Variants in PARD3 observed in about 807,000 individuals in gnomAD.
The protein encoded by PARD3 is partitioning defective 3 homolog.
PARD3 carries 75 observed loss-of-function variants against 155.4 expected under a neutral mutation model. The ratio of observed to expected loss-of-function variants is 0.48; its 90% CI spans 0.40 to 0.58. The LOEUF (loss-of-function observed/expected upper bound fraction) is 0.58. Among genes scored for constraint, PARD3 ranks in the 20% least tolerant of loss-of-function variants. The pLI, the probability that PARD3 is intolerant of heterozygous loss-of-function variation, is 0.00. For missense variants in PARD3, 1,642 were observed against 1,721.7 expected (o/e 0.95, Z 0.82); for synonymous variants, 576 against 610.5 (o/e 0.94, Z 0.83).
chr10:34,756,620 G>GT (rs1366110178), intron 1 of PARD3, among the ~76,000 whole-genome samples: 2 of 151,446 alleles, frequency 1.3e-5, no homozygotes, highest in South Asian at 2.1e-4. Context: ...CACTTGACTA[G>GT]TTTTTTTACT....
intron 2 of PARD3, among the ~76,000 whole-genome samples, chr10:34,687,219 T>C (rs1162131079): frequency 6.6e-6 from 1 of 152,068 alleles, no homozygotes. Context: ...GGGCAGTAAT[T>C]TTATTACCAT....
intron 2 of PARD3, among the ~76,000 whole-genome samples, chr10:34,519,532 G>A (rs763528585): frequency 1.2e-4 from 19 of 152,214 alleles, no homozygotes; most frequent in Middle Eastern, 6.8e-3. Flanking sequence ...CCAAAGCGTA[G>A]GCCAGGCGCG....
intron 2 of PARD3, among the ~76,000 whole-genome samples, chr10:34,572,465 C>A (rs549052817): frequency 2.0e-5 from 3 of 152,108 alleles, no homozygotes; most frequent in South Asian, 4.2e-4. Flanking sequence ...CATGGTAAAA[C>A]CCTGTCTCTA....
chr10:34,277,109 C>G (rs1955922843), intron 21 of PARD3, among the ~76,000 whole-genome samples: 1 of 152,122 alleles, frequency 6.6e-6, no homozygotes, highest in Non-Finnish European at 1.5e-5. Flanking sequence ...CTGGGAACAA[C>G]AGTTCGTGGA....
chr10:34,642,688 GC>G (rs1176006804), intron 2 of PARD3, among the ~76,000 whole-genome samples: 2 of 151,842 alleles, frequency 1.3e-5, no homozygotes, highest in Non-Finnish European at 2.9e-5. Flanking sequence ...TACCTAGACG[GC>G]CCCCTCCCCA....
intron 2 of PARD3, among the ~76,000 whole-genome samples, chr10:34,628,522 A>G (rs1164083964): frequency 6.6e-6 from 1 of 152,240 alleles, no homozygotes; most frequent in Non-Finnish European, 1.5e-5. Flanking sequence ...CCCAGTGAGA[A>G]GCAGCTGCAG....
chr10:34,708,997 C>T (rs1353046052), intron 1 of PARD3, among the ~76,000 whole-genome samples: 1 of 151,956 alleles, frequency 6.6e-6, no homozygotes, highest in Non-Finnish European at 1.5e-5. Context: ...GCAAATAGTG[C>T]AAAAAAATAC....
At position 34,382,556 on chromosome 10, in the gene PARD3, A is replaced by G. The variant is rs1348423883; in HGVS notation, c.1383T>C (p.Asn461=). The G allele has an allele frequency of 6.2e-7, 1 of 1,613,000 alleles. No homozygotes were observed. Residue 461 remains asparagine (N), a synonymous_variant, in exon 9 of 25, where the codon AAT becomes AAC. Transcript: ENST00000374788. ...AGGTCGTACCTTTCTTAAGCTGGAT[A>G]TTAAGCCTCTTGCCTATTTTTTTGG... ...YNTKKIGKRL[N]IQLKKGTEGL...
intron 20 of PARD3, among the ~76,000 whole-genome samples, chr10:34,308,747 T>A (rs1228137460): frequency 6.6e-6 from 1 of 152,202 alleles, no homozygotes; most frequent in African/African-American, 2.4e-5. Flanking sequence ...GAGAGTCATC[T>A]GCCTATAGGC....
chr10:34,814,887 C>T lies in PARD3; in HGVS notation c.109G>A (p.Ala37Thr). 6.7e-7 allele frequency: 1 copy of T among 1,499,436 alleles called. No individual in the cohort carries two copies. The highest frequency in any genetic ancestry group is 2.9e-5 in the East Asian group (1 of 34,748). The allele number at this position is 1,499,436 out of a possible 1,614,324, so 92.9% of individuals were successfully genotyped here. ...CCCCGGCCCCTCACCTTGGCGATGG[C>T]CTTCCGGTAGCGGGTCACCGCCTGC... ...IQQAVTRYRK[A>T]IAKDPNYWIQ... Residue 37 changes from alanine to threonine, a missense_variant, in exon 1 of 25, where the codon GCC (alanine) becomes ACC (threonine). Ala to Thr is a moderately conservative substitution (Grantham distance 58). Transcript: ENST00000374788.
intron 17 of PARD3, among the ~76,000 whole-genome samples, chr10:34,336,632 ATTAT>A (rs1240840363): frequency 1.3e-5 from 2 of 152,124 alleles, no homozygotes; most frequent in African/African-American, 4.8e-5. Flanking sequence ...AATATAATTA[ATTAT>A]TTTACTTTTT....
chr10:34,505,461 C>G (rs1376935472), intron 3 of PARD3, among the ~76,000 whole-genome samples: 1 of 152,154 alleles, frequency 6.6e-6, no homozygotes, highest in Non-Finnish European at 1.5e-5. Context: ...TTGAATGATA[C>G]AGAGAGCTTT....
At chr10:34,647,972 A>C (rs1424063195) in intron 2 of PARD3, among the ~76,000 whole-genome samples, 6 of 152,294 alleles carry the variant, frequency 3.9e-5, no homozygotes, top group African/African-American at 1.4e-4. Context: ...ACATTTCATT[A>C]TTCTTCTCTG....
At chr10:34,634,561 CTG>C (rs1332467038) in intron 2 of PARD3, among the ~76,000 whole-genome samples, 1 of 152,064 alleles carries the variant, frequency 6.6e-6, no homozygotes, top group Non-Finnish European at 1.5e-5. Flanking sequence ...ACAGAAGAAA[CTG>C]AAAGCAGGAT....
intron 3 of PARD3, among the ~76,000 whole-genome samples, chr10:34,479,070 A>G (rs2078894887): frequency 6.6e-6 from 1 of 152,166 alleles, no homozygotes; most frequent in African/African-American, 2.4e-5. Flanking sequence ...GTGACAGAAC[A>G]GGAACTTTTC....
chr10:34,399,521 CA>C (rs755072342), intron 6 of PARD3, 108 bp from the exon 7 acceptor site: 51 of 727,928 alleles, frequency 7.0e-5, no homozygotes, highest in Middle Eastern at 2.6e-4. Flanking sequence ...CAATAAACAA[CA>C]AAAGAGAACA....
chr10:34,437,633 T>A (rs529190731), intron 5 of PARD3, among the ~76,000 whole-genome samples: 1 of 152,236 alleles, frequency 6.6e-6, no homozygotes, highest in African/African-American at 2.4e-5. Context: ...TATTTTCATT[T>A]GAATAAAAAT....
At chr10:34,597,038 A>G (rs1001617131) in intron 2 of PARD3, among the ~76,000 whole-genome samples, 2 of 152,168 alleles carry the variant, frequency 1.3e-5, no homozygotes, top group Non-Finnish European at 2.9e-5. Flanking sequence ...AGAAGGTTCT[A>G]GGCTCCTATC....
At chr10:34,117,866 G>A (rs1393020647) in intron 24 of PARD3, among the ~76,000 whole-genome samples, 14 of 152,144 alleles carry the variant, frequency 9.2e-5, no homozygotes, top group Admixed American at 2.6e-4. Flanking sequence ...AGCCAAGGTC[G>A]CGCCACTGCA....
Sources: gnomAD v4.1 joint callset for allele counts (sites outside exome capture counted in the v4.1 genomes callset) on GRCh38, gnomAD v4.1.1 for gene constraint, MANE v1.5 for transcripts, NCBI Gene and HGNC (gene_info 2026-07-23, HGNC 2026-07-21) for gene names.